CDH2: variants seen among roughly 807,000 people sequenced by gnomAD.
CDH2 encodes the protein cadherin-2.
A neutral mutation model predicts 92.0 loss-of-function variants in CDH2; 17 were observed. The observed-to-expected ratio is 0.18, with a 90% CI of 0.13 to 0.28. The LOEUF is 0.28. Ranked by LOEUF, CDH2 falls within the 10% of genes least tolerant of loss-of-function variation. The pLI, the probability that CDH2 is intolerant of heterozygous loss-of-function variation, is 1.00. For missense variants in CDH2, 862 were observed against 1,133.1 expected, an observed-to-expected ratio of 0.76 and a Z score of 3.44; for synonymous variants, 419 against 415.9, an observed-to-expected ratio of 1.01 and a Z score of -0.09.
At chr18:28,170,978 G>C (rs974155302) in intron 1 of CDH2, among the ~76,000 whole-genome samples, 1 of 150,260 alleles carries the variant, frequency 6.7e-6, no homozygotes, top group Non-Finnish European at 1.5e-5. Flanking sequence ...TCTGTAATCC[G>C]AGCACTTCGG....
At chr18:27,971,701 A>T (rs115587920) in intron 14 of CDH2, among the ~76,000 whole-genome samples, 128 of 152,304 alleles carry the variant, frequency 8.4e-4, no homozygotes, top group African/African-American at 2.9e-3. Flanking sequence ...CTTTTGTGAA[A>T]TCAGAATCTT....
intron 2 of CDH2, among the ~76,000 whole-genome samples, chr18:28,044,601 G>A (rs563367273): frequency 6.6e-5 from 10 of 152,018 alleles, no homozygotes; most frequent in Non-Finnish European, 1.5e-4. Context: ...AATGACATGC[G>A]AAGTGCATAC....
chr18:27,942,967 T>G lies in CDH2; in HGVS notation c.1152-9843A>C, dbSNP rs192189306. On this transcript the variant is annotated intron_variant, in intron 6 of 6. Transcript: ENST00000675173. ...AATAAACCATTATGTTTTCTAAAAG[T>G]TTCCTCTTGTCCTGAGGTCTCCCAT... is the stretch of plus-strand genomic sequence containing the variant. 6.0e-3 allele frequency among the ~76,000 whole-genome samples: 920 copies of G among 152,264 alleles called. 8 individuals carry two copies. Among genetic ancestry groups the G allele is most frequent in the African/African-American group, 0.021 (869 of 41,560 alleles).
intron 2 of CDH2, among the ~76,000 whole-genome samples, chr18:28,090,605 ATC>A (rs1443273415): frequency 6.6e-6 from 1 of 152,202 alleles, no homozygotes; most frequent in Non-Finnish European, 1.5e-5. Flanking sequence ...TTCAGAAGTC[ATC>A]TCTGTGTATG....
intron 1 of CDH2, among the ~76,000 whole-genome samples, chr18:28,148,262 A>T (rs530192051): frequency 7.2e-5 from 11 of 152,344 alleles, no homozygotes; most frequent in African/African-American, 2.6e-4. Flanking sequence ...ATTATAATAT[A>T]CTTACAACAG....
At chr18:28,029,430 C>T (rs765550959) in intron 2 of CDH2, among the ~76,000 whole-genome samples, 5 of 151,718 alleles carry the variant, frequency 3.3e-5, no homozygotes, top group Non-Finnish European at 5.9e-5. Flanking sequence ...CAACTGCAGT[C>T]ATGTCAAAAT....
rs547612877 is a variant in CDH2 at position 28,080,309 on chromosome 18, C to T, written c.173-66400G>A. Among the ~76,000 whole-genome samples, 8 of 152,252 alleles carry T rather than the reference C, an allele frequency of 5.3e-5. No individual in the cohort carries two copies. The South Asian group carries it at 1.2e-3, about 24-fold the overall frequency. On this transcript the variant is annotated intron_variant, in intron 2 of 15. Transcript: ENST00000269141. ...ACCAGAATTCAGAAATCTATGTTTT[C>T]ACTTCCTATTTAATAAGGCAATTTG...
intron 9 of CDH2, among the ~76,000 whole-genome samples, chr18:27,990,678 A>G (rs996635521): frequency 4.6e-5 from 7 of 152,220 alleles, no homozygotes; most frequent in Admixed American, 4.6e-4. Flanking sequence ...AATACTAAAT[A>G]ATATAAAGTC....
intron 2 of CDH2, among the ~76,000 whole-genome samples, chr18:28,115,974 C>A (rs1344968844): frequency 1.3e-5 from 2 of 152,210 alleles, no homozygotes; most frequent in Admixed American, 6.6e-5. Context: ...TGATAATAAT[C>A]ATTTGTTTAT....
At chr18:28,170,290 A>C (rs2144368740) in intron 1 of CDH2, among the ~76,000 whole-genome samples, 1 of 152,328 alleles carries the variant, frequency 6.6e-6, no homozygotes, top group Admixed American at 6.5e-5. Context: ...GTGTCAAATT[A>C]ATCCTCATTC....
intron 1 of CDH2, among the ~76,000 whole-genome samples, chr18:28,162,308 G>C (rs940511425): frequency 1.3e-5 from 2 of 152,174 alleles, no homozygotes; most frequent in Non-Finnish European, 2.9e-5. Flanking sequence ...ACTCAACCAA[G>C]ACCCCTCATG....
intron 2 of CDH2, among the ~76,000 whole-genome samples, chr18:28,047,729 C>A (rs1003966893): frequency 6.6e-6 from 1 of 151,650 alleles, no homozygotes; most frequent in South Asian, 2.1e-4. Flanking sequence ...ATTAGCCGGG[C>A]GTGGTGGCGG....
At chr18:28,092,800 A>C (rs928169422) in intron 2 of CDH2, among the ~76,000 whole-genome samples, 1 of 152,176 alleles carries the variant, frequency 6.6e-6, no homozygotes, top group African/African-American at 2.4e-5. Flanking sequence ...AGAAGTCTTC[A>C]CATCTGTCCC....
chr18:27,976,937 T>C (rs1292953583), intron 14 of CDH2, among the ~76,000 whole-genome samples: 4 of 152,162 alleles, frequency 2.6e-5, no homozygotes, highest in African/African-American at 9.7e-5. Flanking sequence ...ATCGGCTATA[T>C]TGTACATTCA....
At chr18:28,051,825 A>G (rs1175406218) in intron 2 of CDH2, among the ~76,000 whole-genome samples, 1 of 152,182 alleles carries the variant, frequency 6.6e-6, no homozygotes, top group African/African-American at 2.4e-5. Flanking sequence ...CGTAATAATG[A>G]TAATTATGTC....
chr18:28,033,639 C>A (rs892275609), intron 2 of CDH2, among the ~76,000 whole-genome samples: 3 of 151,946 alleles, frequency 2.0e-5, no homozygotes, highest in African/African-American at 7.2e-5. Context: ...TGAGGAAGAC[C>A]ATTAGTGGCA....
intron 15 of CDH2, among the ~76,000 whole-genome samples, chr18:27,956,921 C>G (rs1161460299): frequency 1.3e-5 from 2 of 152,072 alleles, no homozygotes; most frequent in African/African-American, 4.8e-5. Context: ...TACAGTAAAA[C>G]TCTTTAGAAA....
Position 27,970,377 on chromosome 18 carries a change from C to T in CDH2, c.2350-6856G>A, listed in dbSNP as rs564057787. On this transcript the variant is annotated intron_variant, in intron 14 of 15. Coordinates refer to ENST00000269141, the MANE Select transcript of CDH2 (RefSeq NM_001792.5). The stretch of plus-strand genomic sequence containing the variant: ...CACTTGGATAAAGATCAAAGCCACT[C>T]TATCTCAGCATGACCTATTAATTCA... Among the ~76,000 whole-genome samples, 140 of 152,286 alleles carry T rather than the reference C, an allele frequency of 9.2e-4. 3 individuals are homozygous for T. In the South Asian group the frequency reaches 0.028, roughly 31 times the overall value.
chr18:27,945,837 G>A (rs1909255753), intron 6 of CDH2, among the ~76,000 whole-genome samples: 1 of 152,156 alleles, frequency 6.6e-6, no homozygotes, highest in Admixed American at 6.5e-5. Flanking sequence ...TACAGTGTCT[G>A]TTTGAAAATG....
Sources: gnomAD v4.1 joint callset for allele counts (sites outside exome capture counted in the v4.1 genomes callset) on GRCh38, gnomAD v4.1.1 for gene constraint, MANE v1.5 for transcripts, NCBI Gene and HGNC (gene_info 2026-07-23, HGNC 2026-07-21) for gene names.